Variants in NISCH observed in about 807,000 individuals in gnomAD.
NISCH encodes nischarin.
NISCH carries 55 observed loss-of-function variants against 138.4 expected under a neutral mutation model. The observed-to-expected ratio is 0.40, with a 90% confidence interval of 0.32 to 0.50. The LOEUF is 0.50. Among genes scored for constraint, NISCH ranks in the 20% least tolerant of loss-of-function variants. The pLI is 0.71. For synonymous variants in NISCH, 860 were observed against 861.5 expected (o/e 1.00, Z 0.03); for missense variants, 1,643 against 2,005.5 (o/e 0.82, Z 3.45).
chr3:52,488,483 C>G lies in NISCH; in HGVS notation c.2991C>G (p.Val997=). Residue 997 remains valine (V), a synonymous_variant, in exon 16 of 21, where the codon GTC becomes GTG. Transcript: ENST00000345716. ...LPHEKFHFLR[V]YNQLRASLQD... ...ACGAGAAGTTCCACTTCCTGCGCGT[C>G]TACAACCAGCTGCGGGCCTCGCTGC... The G allele has an allele frequency of 6.2e-7, 1 of 1,613,478 alleles. No individual in the cohort carries two copies. The highest frequency in any genetic ancestry group is 8.5e-7 in the Non-Finnish European group (1 of 1,180,002).
At position 52,488,155 on chromosome 3, in the gene NISCH, C is replaced by G; in HGVS notation, c.2663C>G (p.Ser888Ter). ...GAGTGGGCCAGCTGCACACTCTGTT[C>G]AGCCGTGCGGCGCTCCTGCTGCGCG... ...NIEWASCTLC[S>*]AVRRSCCAPS... Residue 888 changes from serine to a stop codon, truncating the protein, a stop_gained, in exon 16 of 21, where the codon TCA (serine) becomes TGA (stop). Transcript: ENST00000345716. LOFTEE classifies it high-confidence loss of function. 6.2e-7 allele frequency: 1 copy of G among 1,613,318 alleles called. No individual in the cohort carries two copies. The highest frequency in any genetic ancestry group is 8.5e-7 in the Non-Finnish European group (1 of 1,179,968).
chr3:52,477,732 C>A, intron 9 of NISCH, 90 bp downstream of exon 9: 2 of 1,125,572 alleles, frequency 1.8e-6, no homozygotes, highest in Non-Finnish European at 2.7e-6. Context: ...TGGGAATTGG[C>A]CAGGGGTTGT....
At chr3:52,471,685 G>A in intron 4 of NISCH, 129 bp from the exon 5 acceptor site, 4 of 1,071,742 alleles carry the variant, frequency 3.7e-6, no homozygotes, top group Non-Finnish European at 5.6e-6. Context: ...TGCATGCCCA[G>A]GGCGCTGGCT....
In NISCH at chr3:52,487,328, G is replaced by A. The variant is rs769983713; in HGVS notation, c.1836G>A (p.Gln612=). The A allele has an allele frequency of 6.2e-7, 1 of 1,614,152 alleles. No homozygotes were observed. The change falls in exon 16 of 21, where the codon CAG becomes CAA. Residue 612 remains glutamine, a synonymous_variant. Coordinates refer to ENST00000345716, the MANE Select transcript of NISCH (RefSeq NM_007184.4). This position sits in a 1 kb window ranked among gnomAD's most constrained non-coding sequence, Gnocchi z 9.1. ...FIQRLSTLIR[Q]AIERQLPAWI... is the part of the protein sequence containing the mutation. ...AGCGCCTGAGCACACTGATCCGGCAGGCCATCGAGCGGCAGCTGCCTGCCT... is the reference window on the plus strand; with the variant it reads ...AGCGCCTGAGCACACTGATCCGGCAAGCCATCGAGCGGCAGCTGCCTGCCT...
intron 15 of NISCH, among the ~76,000 whole-genome samples, chr3:52,486,120 C>G (rs1707395530): frequency 6.6e-6 from 1 of 152,022 alleles, no homozygotes; most frequent in African/African-American, 2.4e-5. Context: ...ATTCTTTTTT[C>G]TTTTTTTGAG....
At chr3:52,491,276 T>C (rs1707554258) in intron 19 of NISCH, 76 bp from the exon 20 acceptor site, 1 of 1,524,056 alleles carries the variant, frequency 6.6e-7, no homozygotes, top group Non-Finnish European at 8.8e-7. Context: ...TGCTAGGGAC[T>C]CGGGGTGGCT....
At position 52,488,553 on chromosome 3, in the gene NISCH, G is replaced by C. The variant is rs377196388; in HGVS notation, c.3061G>C (p.Gly1021Arg). 1.2e-6 allele frequency: 2 copies of C among 1,612,800 alleles called. No homozygotes were observed. Among genetic ancestry groups the C allele is most frequent in the African/African-American group, 2.7e-5 (2 of 74,946 alleles). The part of the protein sequence containing the change: ...VVIAKTPGTG[G>R]SPQGSFADGQ... ...CATCGCCAAGACCCCCGGGACGGGA[G>C]GCAGCCCCCAGGGCTCCTTTGCGGA... Residue 1021 changes from glycine (G) to arginine (R), a missense_variant, in exon 16 of 21, where the codon GGC (glycine) becomes CGC (arginine). Physicochemically the swap from Gly to Arg is moderately radical, Grantham distance 125. Coordinates refer to ENST00000345716, the MANE Select transcript of NISCH (RefSeq NM_007184.4).
In NISCH at chr3:52,492,434, G is replaced by A. The variant is rs1337331541; in HGVS notation, c.4467G>A (p.Gln1489=). The change falls in exon 21 of 21, where the codon CAG becomes CAA. Residue 1489 remains glutamine, a synonymous_variant. Transcript: ENST00000345716. ...AGCTCATCTCGCTGTTGGCTCGCCA[G>A]TGGGAGGCCCTGTGTGGCCGTGAGC... ...REKLISLLAR[Q]WEALCGRELP... The A allele has an allele frequency of 5.6e-6, 9 of 1,611,894 alleles. No homozygotes were observed. The highest frequency in any genetic ancestry group is 6.8e-6 in the Non-Finnish European group (8 of 1,179,726).
intron 3 of NISCH, among the ~76,000 whole-genome samples, chr3:52,468,944 C>A (rs533726946): frequency 2.0e-5 from 3 of 151,842 alleles, no homozygotes; most frequent in African/African-American, 7.3e-5. Context: ...AAATGAAAAA[C>A]CTCTGTCAGA....
chr3:52,490,630 C>A, intron 18 of NISCH, 75 bp from the exon 19 acceptor site: 1 of 1,598,630 alleles, frequency 6.3e-7, no homozygotes, highest in Admixed American at 1.7e-5. Context: ...CCTGTTCCTG[C>A]TGGATGTGCT....
At chr3:52,455,955 G>C (rs1706453500) in intron 1 of NISCH, among the ~76,000 whole-genome samples, 1 of 151,038 alleles carries the variant, frequency 6.6e-6, no homozygotes, top group Non-Finnish European at 1.5e-5. Flanking sequence ...GTTTGGAAAA[G>C]GGTACGCGAT....
At position 52,490,725 on chromosome 3, in the gene NISCH, A is replaced by G. The variant is rs747082696; in HGVS notation, c.3634A>G (p.Thr1212Ala). ...PLQDFWHQKN[T>A]DYNNSPFHIS... ...CACAGATTTCTGGCATCAGAAAAACACCGACTACAACAACAGCCCTTTCCA... is the reference window on the plus strand; with the variant it reads ...CACAGATTTCTGGCATCAGAAAAACGCCGACTACAACAACAGCCCTTTCCA... Residue 1212 changes from threonine (T) to alanine (A), a missense_variant, in exon 19 of 21, where the codon ACC becomes GCC. Coordinates refer to ENST00000345716, the MANE Select transcript of NISCH (RefSeq NM_007184.4). 1.4e-5 allele frequency: 23 copies of G among 1,614,056 alleles called. No homozygotes were observed. The highest frequency in any genetic ancestry group is 1.6e-4 in the Middle Eastern group (1 of 6,082).
At chr3:52,484,997 G>A (rs937929377) in intron 14 of NISCH, among the ~76,000 whole-genome samples, 9 of 152,082 alleles carry the variant, frequency 5.9e-5, no homozygotes, top group African/African-American at 1.7e-4. Flanking sequence ...AAAGACCCTC[G>A]TGCAGGGGCT....
rs374213397 is a variant in NISCH at position 52,479,530 on chromosome 3, T to A, written c.1303-219T>A. On this transcript the variant is annotated intron_variant, in intron 11 of 20. Coordinates refer to ENST00000345716, the MANE Select transcript of NISCH (RefSeq NM_007184.4). ...CCAAGGCATTCCCAGGTCACTTCCA[T>A]GAGTAGTGAAGAGCCGCCTCTGAGC... Among the ~76,000 whole-genome samples the A allele has an allele frequency of 3.0e-4, 46 of 152,152 alleles. 6 individuals carry two copies. Among genetic ancestry groups the A allele is most frequent in the Admixed American group, 2.2e-3 (33 of 15,278 alleles).
intron 3 of NISCH, among the ~76,000 whole-genome samples, chr3:52,464,122 C>A (rs867592937): frequency 8.6e-5 from 13 of 151,634 alleles, no homozygotes; most frequent in Non-Finnish European, 1.5e-4. Context: ...TTGGGCCGGG[C>A]GCGGGTGGCT....
chr3:52,489,550 C>T lies in NISCH; in HGVS notation c.3328C>T (p.His1110Tyr). The change falls in exon 17 of 21, where the codon CAC (histidine) becomes TAC (tyrosine). Residue 1110 changes from histidine (H) to tyrosine (Y), a missense_variant. Physicochemically the swap from His to Tyr is moderately conservative, Grantham distance 83. Coordinates refer to ENST00000345716, the MANE Select transcript of NISCH (RefSeq NM_007184.4). ...AEAPAQYPSE[H>Y]LIQATSEENQ... ...GGCCCCTGCCCAGTACCCGAGTGAG[C>T]ACCTCATCCAGGCCACCTCGGAGGA... 1 of 1,613,256 alleles carries T rather than the reference C, an allele frequency of 6.2e-7. No homozygotes were observed. The highest frequency in any genetic ancestry group is 8.5e-7 in the Non-Finnish European group (1 of 1,179,996).
At chr3:52,474,528 C>T (rs1451181846) in intron 7 of NISCH, among the ~76,000 whole-genome samples, 1 of 152,122 alleles carries the variant, frequency 6.6e-6, no homozygotes. Flanking sequence ...GATCTCCTGA[C>T]CTCGTGATCC....
At chr3:52,470,088 T>TAA (rs79193522) in intron 3 of NISCH, among the ~76,000 whole-genome samples, 113 of 129,820 alleles carry the variant, frequency 8.7e-4, no homozygotes, top group African/African-American at 2.5e-3. Context: ...TGTCTCTATT[T>TAA]AAAAAAAAAA....
Position 52,485,843 on chromosome 3 carries a change from G to T in NISCH, c.1703+16G>T, listed in dbSNP as rs199664190. The T allele has an allele frequency of 1.3e-6, 2 of 1,571,108 alleles. No individual in the cohort carries two copies. Among genetic ancestry groups the T allele is most frequent in the African/African-American group, 1.4e-5 (1 of 73,816 alleles). On this transcript the variant is annotated intron_variant, in intron 15 of 20. Transcript: ENST00000345716. ...GTGGTGCAAGGTAAGGAAGAGGTTG[G>T]AAAGGGACCTGGGCCTGGCCACACA...
Sources: allele counts gnomAD v4.1 joint callset (sites outside exome capture counted in the v4.1 genomes callset), GRCh38; gene constraint gnomAD v4.1.1; non-coding constraint Gnocchi (gnomAD v3.1); transcripts MANE v1.5; gene names NCBI Gene and HGNC (gene_info 2026-07-23, HGNC 2026-07-21).